The following IL1RAPL1 variants were observed in gnomAD, a reference collection of about 807,000 sequenced individuals.
IL1RAPL1 encodes interleukin-1 receptor accessory protein-like 1.
A neutral mutation model predicts 48.4 loss-of-function variants in IL1RAPL1; 3 were observed. The observed-to-expected ratio is 0.06, with a 90% CI of 0.03 to 0.16. The LOEUF is 0.16. Among genes scored for constraint, IL1RAPL1 ranks in the 10% least tolerant of loss-of-function variants. IL1RAPL1 has a pLI of 1.00. For missense variants in IL1RAPL1, 349 were observed against 530.6 expected, an observed-to-expected ratio of 0.66 and a Z score of 3.36; for synonymous variants, 185 against 187.7, an observed-to-expected ratio of 0.99 and a Z score of 0.12.
chrX:28,610,514 CA>C (rs1360564924), intron 1 of IL1RAPL1, among the ~76,000 whole-genome samples: 1 of 112,524 alleles, frequency 8.9e-6, no homozygotes, highest in Non-Finnish European at 1.9e-5. Context: ...TTGACTTTGT[CA>C]GTGCTTTCTA....
chrX:29,164,558 C>G (rs1482625254), intron 2 of IL1RAPL1, among the ~76,000 whole-genome samples: 1 of 111,350 alleles, frequency 9.0e-6, no homozygotes, highest in Non-Finnish European at 1.9e-5. Flanking sequence ...TTCACTCATT[C>G]ATGTCCACAT....
chrX:28,786,683 T>C (rs1936479085), intron 1 of IL1RAPL1, among the ~76,000 whole-genome samples: 2 of 112,112 alleles, frequency 1.8e-5, no homozygotes, highest in African/African-American at 6.5e-5. Flanking sequence ...GATATGCTCA[T>C]TCTGCATAAG....
intron 2 of IL1RAPL1, among the ~76,000 whole-genome samples, chrX:29,214,648 G>A (rs1333451758): frequency 9.1e-6 from 1 of 110,480 alleles, no homozygotes; most frequent in East Asian, 2.8e-4. Flanking sequence ...AGGATCATTG[G>A]GATCCCCGAG....
chrX:29,249,835 AT>A (rs1931575248), intron 2 of IL1RAPL1, among the ~76,000 whole-genome samples: 1 of 111,617 alleles, frequency 9.0e-6, no homozygotes, highest in Non-Finnish European at 1.9e-5. Flanking sequence ...GCTGAGTGAT[AT>A]TTTTGAAAAG....
chrX:29,595,869 T>C (rs769758214), intron 5 of IL1RAPL1, among the ~76,000 whole-genome samples: 1 of 111,880 alleles, frequency 8.9e-6, no homozygotes, highest in African/African-American at 3.2e-5. Context: ...TGGTTTTAGG[T>C]CTTAGATTTA....
At chrX:28,801,122 C>T (rs947953293) in intron 2 of IL1RAPL1, among the ~76,000 whole-genome samples, 1 of 109,873 alleles carries the variant, frequency 9.1e-6, no homozygotes, top group Non-Finnish European at 1.9e-5. Flanking sequence ...CCTCGTAATC[C>T]GCCCCTGCTT....
chrX:29,318,544 C>A (rs924553957), intron 3 of IL1RAPL1, among the ~76,000 whole-genome samples: 1 of 112,186 alleles, frequency 8.9e-6, no homozygotes, highest in Non-Finnish European at 1.9e-5. Context: ...GGAATTAGTA[C>A]AAAATAATAA....
chrX:29,311,804 G>C (rs1932729108), intron 3 of IL1RAPL1, among the ~76,000 whole-genome samples: 1 of 111,449 alleles, frequency 9.0e-6, no homozygotes. Flanking sequence ...AAGAACATTA[G>C]GGTACACTTT....
intron 2 of IL1RAPL1, among the ~76,000 whole-genome samples, chrX:28,950,787 A>G (rs1198524886): frequency 9.4e-6 from 1 of 106,879 alleles, no homozygotes. Context: ...TACCCAAAGG[A>G]CTATAAATCA....
intron 1 of IL1RAPL1, among the ~76,000 whole-genome samples, chrX:28,625,515 T>C (rs1302966555): frequency 1.8e-5 from 2 of 111,960 alleles, no homozygotes. Context: ...AGGGCAGCTC[T>C]TCCCTGCTGT....
chrX:29,550,248 G>C (rs1921762059), intron 5 of IL1RAPL1, among the ~76,000 whole-genome samples: 1 of 110,905 alleles, frequency 9.0e-6, no homozygotes, highest in Non-Finnish European at 1.9e-5. Flanking sequence ...CTGGAGTGCA[G>C]TGGCGGGATC....
intron 2 of IL1RAPL1, among the ~76,000 whole-genome samples, chrX:29,282,679 A>T (rs1318508611): frequency 1.8e-5 from 2 of 111,973 alleles, no homozygotes; most frequent in African/African-American, 6.5e-5. Flanking sequence ...TAAATCAATA[A>T]CCAGCACACT....
intron 2 of IL1RAPL1, among the ~76,000 whole-genome samples, chrX:28,831,026 C>CTCTCTCTCTCTCTCTCTCTCTCTCTG (rs1438889606): frequency 3.0e-5 from 1 of 33,646 alleles, no homozygotes; most frequent in Non-Finnish European, 4.9e-5. Context: ...CTCTCTCTCT[C>CTCTCTCTCTCTCTCTCTCTCTCTCTG]TGTGTGTGTG....
At chrX:29,423,660 G>A (rs1039452501) in intron 5 of IL1RAPL1, among the ~76,000 whole-genome samples, 8 of 111,329 alleles carry the variant, frequency 7.2e-5, no homozygotes, top group Non-Finnish European at 1.5e-4. Flanking sequence ...TATAAGTTGG[G>A]TATTCTCAAT....
chrX:28,836,738 T>A (rs1448751327), intron 2 of IL1RAPL1, among the ~76,000 whole-genome samples: 1 of 110,036 alleles, frequency 9.1e-6, no homozygotes, highest in Non-Finnish European at 1.9e-5. Flanking sequence ...CTTGCTGTGG[T>A]CATCATCGGC....
At chrX:29,802,771 A>ATGTGTG (rs1186816883) in intron 6 of IL1RAPL1, among the ~76,000 whole-genome samples, 1 of 29,631 alleles carries the variant, frequency 3.4e-5, no homozygotes, top group Non-Finnish European at 5.6e-5. Flanking sequence ...ATATATATAT[A>ATGTGTG]TATATATATA....
At chrX:29,150,969 G>A (rs7063517) in intron 2 of IL1RAPL1, among the ~76,000 whole-genome samples, 31,145 of 106,629 alleles carry the variant, frequency 0.29, 4,470 homozygotes, top group African/African-American at 0.54. Context: ...CAATATGATC[G>A]TGTGACCTGC....
rs765234944 is a variant in IL1RAPL1, at chrX:29,552,802, CTTTTTTTTTTTT to C, written c.704-115614_704-115603del. On this transcript the variant is annotated intron_variant, in intron 5 of 10. Transcript: ENST00000378993. The stretch of plus-strand genomic sequence containing the variant: ...AAGTTCATTCATGTTTTTCACTCTC[CTTTTTTTTTTTT>C]TTTTTTTTTTTTTGCATTTCAGTTT... Among the ~76,000 whole-genome samples, 7 of 23,014 alleles carry C rather than the reference CTTTTTTTTTTTT, an allele frequency of 3.0e-4. No individual in the cohort carries two copies. In the East Asian group the frequency reaches 0.011, roughly 36 times the overall value. The allele number at this position is 23,014 out of a possible 115,157, so 20.0% of individuals were successfully genotyped here. A position where few individuals can be genotyped will look rare whatever the true frequency, so the allele number is the denominator to read the frequency against.
At chrX:29,589,376 G>C (rs1188647165) in intron 5 of IL1RAPL1, among the ~76,000 whole-genome samples, 4 of 111,626 alleles carry the variant, frequency 3.6e-5, no homozygotes, top group Non-Finnish European at 7.5e-5. Context: ...AGGGATAGAG[G>C]AGTAATCCAA....
Sources: gnomAD v4.1 joint callset for allele counts (sites outside exome capture counted in the v4.1 genomes callset) on GRCh38, gnomAD v4.1.1 for gene constraint, MANE v1.5 for transcripts, NCBI Gene and HGNC (gene_info 2026-07-23, HGNC 2026-07-21) for gene names.